SKI: variants seen among roughly 807,000 people sequenced by gnomAD.
SKI encodes SKI proto-oncogene.
SKI carries 23 observed loss-of-function variants against 59.3 expected under a neutral mutation model. That is an observed-to-expected ratio of 0.39 (90% CI 0.28 to 0.55). SKI has a LOEUF of 0.55. SKI is among the 20% of genes least tolerant of loss of function. The pLI is 0.67. For missense variants in SKI, 1,017 were observed against 1,038.9 expected (o/e 0.98, Z 0.29); for synonymous variants, 673 against 488.6 (o/e 1.38, Z -4.98).
In SKI at chr1:2,307,698, T is replaced by C. The variant is rs1167696865; in HGVS notation, c.*933T>C. 1 of 152,406 alleles carries C rather than the reference T, an allele frequency of 6.6e-6. No homozygotes were observed. The highest frequency in any genetic ancestry group is 1.5e-5 in the Non-Finnish European group (1 of 67,990). 9.4% of individuals were successfully genotyped at this position (152,406 alleles called of 1,614,324 possible). On this transcript the variant is annotated 3_prime_UTR_variant, in exon 7 of 7. Transcript: ENST00000378536. Reference sequence around the variant, plus strand: ...GAGCATTATTTCAATTTTTCTTTCTTTTTTTTTGTTCGTTCATTTAAACGT... The same window carrying C: ...GAGCATTATTTCAATTTTTCTTTCTCTTTTTTTGTTCGTTCATTTAAACGT...
rs931997108 is a variant in SKI at position 2,228,625 on chromosome 1, G to A, written c.-142G>A. 7 of 226,566 alleles carry A rather than the reference G, an allele frequency of 3.1e-5. No homozygotes were observed. The highest frequency in any genetic ancestry group is 1.7e-4 in the African/African-American group (7 of 41,550). 14.0% of individuals were successfully genotyped at this position (226,566 alleles called of 1,614,324 possible). A position where few individuals can be genotyped will look rare whatever the true frequency, so the allele number is the denominator to read the frequency against. On this transcript the variant is annotated 5_prime_UTR_variant, in exon 1 of 7. Coordinates refer to ENST00000378536, the MANE Select transcript of SKI (RefSeq NM_003036.4). ...CCTTCGCGCCCCCGGGCGAGGCCGC[G>A]GCCGTGATCGGCCGTGAGCCGGCGG...
intron 1 of SKI, among the ~76,000 whole-genome samples, chr1:2,285,904 C>T (rs1372105709): frequency 3.8e-5 from 5 of 130,846 alleles, no homozygotes; most frequent in East Asian, 2.3e-4. Flanking sequence ...AACGGAGTCT[C>T]GCACTGTTGC....
chr1:2,252,802 G>A (rs926566882), intron 1 of SKI, among the ~76,000 whole-genome samples: 2 of 152,100 alleles, frequency 1.3e-5, no homozygotes, highest in Non-Finnish European at 2.9e-5. Flanking sequence ...AACGTTACAA[G>A]AAGGAAGTGA....
intron 1 of SKI, among the ~76,000 whole-genome samples, chr1:2,257,127 A>G (rs569513308): frequency 6.6e-6 from 1 of 152,218 alleles, no homozygotes; most frequent in African/African-American, 2.4e-5. Context: ...TAAGATATCT[A>G]TCTCTTTGTA....
chr1:2,252,729 G>T (rs1295933352), intron 1 of SKI, among the ~76,000 whole-genome samples: 1 of 152,146 alleles, frequency 6.6e-6, no homozygotes, highest in African/African-American at 2.4e-5. Flanking sequence ...CCAGGCTGGT[G>T]CTCAGCTCTT....
chr1:2,258,265 G>A (rs1011211638), intron 1 of SKI, among the ~76,000 whole-genome samples: 1 of 152,162 alleles, frequency 6.6e-6, no homozygotes, highest in Admixed American at 6.5e-5. Context: ...AAACCCGTAT[G>A]TTCGGTGTCT....
At chr1:2,294,721 G>T (rs1640245583) in intron 1 of SKI, among the ~76,000 whole-genome samples, 1 of 152,188 alleles carries the variant, frequency 6.6e-6, no homozygotes, top group South Asian at 2.1e-4. Flanking sequence ...CCCTCCCCCC[G>T]CTAGCTGCTT....
intron 1 of SKI, among the ~76,000 whole-genome samples, chr1:2,277,409 T>C (rs752724095): frequency 5.3e-4 from 80 of 152,288 alleles, no homozygotes; most frequent in South Asian, 1.4e-3. Context: ...TTCTGTGCTA[T>C]TCTCGTGATA....
intron 1 of SKI, among the ~76,000 whole-genome samples, chr1:2,232,294 G>A (rs1314866372): frequency 3.3e-5 from 5 of 152,220 alleles, no homozygotes; most frequent in Non-Finnish European, 7.3e-5. Context: ...CTGCGGAGCC[G>A]GAGGGGGCTG....
intron 1 of SKI, among the ~76,000 whole-genome samples, chr1:2,279,358 G>A (rs1401246997): frequency 1.3e-5 from 2 of 152,158 alleles, no homozygotes; most frequent in Non-Finnish European, 2.9e-5. Flanking sequence ...CCCTCTCGGG[G>A]CATCGCTTCA....
rs1334420855 is a variant in SKI, at chr1:2,304,561, G to T, written c.1743G>T (p.Leu581=). The T allele has an allele frequency of 1.3e-6, 2 of 1,564,654 alleles. No homozygotes were observed. Among genetic ancestry groups the T allele is most frequent in the Non-Finnish European group, 8.7e-7 (1 of 1,155,636 alleles). ...VKQEEKLSAA[L]QAKRSLHQEL... ...AGGAGGAGAAGCTCAGCGCAGCCCT[G>T]CAGGCCAAGCGCAGCCTCCACCAGG... The change falls in exon 5 of 7, where the codon CTG becomes CTT. Residue 581 remains leucine, a synonymous_variant. Transcript: ENST00000378536.
At chr1:2,259,639 T>G (rs943779903) in intron 1 of SKI, among the ~76,000 whole-genome samples, 2 of 152,188 alleles carry the variant, frequency 1.3e-5, no homozygotes, top group Non-Finnish European at 2.9e-5. Flanking sequence ...ATAAAACATG[T>G]ATAAAACCCT....
At chr1:2,284,227 G>A (rs1014222041) in intron 1 of SKI, among the ~76,000 whole-genome samples, 2 of 152,094 alleles carry the variant, frequency 1.3e-5, no homozygotes, top group Non-Finnish European at 2.9e-5. Flanking sequence ...CACTGGCCGG[G>A]GCTCCCTCAG....
At chr1:2,246,327 A>G (rs1191671135) in intron 1 of SKI, among the ~76,000 whole-genome samples, 1 of 152,008 alleles carries the variant, frequency 6.6e-6, no homozygotes, top group Non-Finnish European at 1.5e-5. Context: ...CCACTCCTAT[A>G]TCCTCTTTGA....
In SKI at chr1:2,228,656, G is replaced by A; in HGVS notation, c.-111G>A. On this transcript the variant is annotated 5_prime_UTR_variant, in exon 1 of 7. Transcript: ENST00000378536. Reference sequence around the variant, plus strand: ...GATCGGCCGTGAGCCGGCGGCGGGGGGCGGCCGGGGTCGGGGCCGCGGGCG... The same window carrying A: ...GATCGGCCGTGAGCCGGCGGCGGGGAGCGGCCGGGGTCGGGGCCGCGGGCG... 6.7e-6 allele frequency: 3 copies of A among 449,734 alleles called. No homozygotes were observed. The highest frequency in any genetic ancestry group is 8.7e-6 in the Non-Finnish European group (3 of 344,590). 27.9% of individuals were successfully genotyped at this position (449,734 alleles called of 1,614,324 possible).
intron 1 of SKI, among the ~76,000 whole-genome samples, chr1:2,231,837 T>C (rs914542351): frequency 4.6e-5 from 7 of 152,212 alleles, no homozygotes; most frequent in African/African-American, 1.4e-4. Context: ...CCGTGTTGCC[T>C]CCTGCTCTAT....
chr1:2,231,828 C>T (rs547339365), intron 1 of SKI, among the ~76,000 whole-genome samples: 3 of 152,320 alleles, frequency 2.0e-5, no homozygotes, highest in South Asian at 2.1e-4. Context: ...CCATCCTGCC[C>T]GTGTTGCCTC....
chr1:2,301,310 T>A (rs550139042), intron 1 of SKI, among the ~76,000 whole-genome samples: 1 of 152,292 alleles, frequency 6.6e-6, no homozygotes, highest in Non-Finnish European at 1.5e-5. Context: ...GAGGGGGTAT[T>A]TTCAGTGTCT....
Position 2,307,731 on chromosome 1 carries a change from G to A in SKI, c.*966G>A, listed in dbSNP as rs1041110473. The A allele has an allele frequency of 6.6e-6, 1 of 152,316 alleles. No individual in the cohort carries two copies. The highest frequency in any genetic ancestry group is 6.6e-5 in the Admixed American group (1 of 15,260). The allele number at this position is 152,316 out of a possible 1,614,324, so 9.4% of individuals were successfully genotyped here. A position where few individuals can be genotyped will look rare whatever the true frequency, so the allele number is the denominator to read the frequency against. On this transcript the variant is annotated 3_prime_UTR_variant, in exon 7 of 7. Coordinates refer to ENST00000378536, the MANE Select transcript of SKI (RefSeq NM_003036.4). ...GTTCGTTCATTTAAACGTATATTTA[G>A]AACTGCACTTTGTCCACAACCTTCC...
Sources: gnomAD v4.1 joint callset for allele counts (sites outside exome capture counted in the v4.1 genomes callset) on GRCh38, gnomAD v4.1.1 for gene constraint, MANE v1.5 for transcripts, NCBI Gene and HGNC (gene_info 2026-07-23, HGNC 2026-07-21) for gene names.